TM9SF4: variants seen among roughly 807,000 people sequenced by gnomAD.
TM9SF4 encodes transmembrane 9 superfamily member 4.
TM9SF4 carries 26 observed loss-of-function variants against 90.4 expected under a neutral mutation model. The ratio of observed to expected loss-of-function variants is 0.29; its 90% confidence interval spans 0.21 to 0.40. The LOEUF is 0.40. Among genes scored for constraint, TM9SF4 ranks in the 10% least tolerant of loss-of-function variants. TM9SF4 has a pLI of 1.00. For missense variants in TM9SF4, 549 were observed against 834.8 expected, an observed-to-expected ratio of 0.66 and a Z score of 4.22; for synonymous variants, 293 against 315.4, an observed-to-expected ratio of 0.93 and a Z score of 0.75.
chr20:32,145,530 A>G, intron 8 of TM9SF4, 107 bp downstream of exon 8: 1 of 960,754 alleles, frequency 1.0e-6, no homozygotes, highest in South Asian at 1.4e-5. Context: ...GGTCAGGCGT[A>G]GGTCAAAAAC....
intron 14 of TM9SF4, 31 bp from the exon 15 acceptor site, chr20:32,158,420 C>CT (rs765100451): frequency 5.0e-6 from 8 of 1,613,702 alleles, no homozygotes; most frequent in Non-Finnish European, 6.8e-6. Flanking sequence ...GGCCTGGTCT[C>CT]TAACAATGTC....
intron 8 of TM9SF4, 105 bp downstream of exon 8, chr20:32,145,528 G>A (rs763801526): frequency 3.9e-5 from 38 of 986,136 alleles, no homozygotes; most frequent in South Asian, 5.6e-5. Context: ...AGGGTCAGGC[G>A]TAGGTCAAAA....
In TM9SF4 at chr20:32,141,769, T is replaced by C. The variant is rs2046684012; in HGVS notation, c.402T>C (p.Ile134=). The change falls in exon 5 of 18, where the codon ATT becomes ATC. Residue 134 remains isoleucine (I), a synonymous_variant. Coordinates refer to ENST00000398022, the MANE Select transcript of TM9SF4 (RefSeq NM_014742.4). ...RITEDYYVHL[I]ADNLPVATRL... The stretch of plus-strand genomic sequence containing the variant: ...GAGTGGGGCCTTCACTTTCCAGCAT[T>C]GCTGACAACCTGCCTGTGGCCACCC... The C allele has an allele frequency of 6.2e-7, 1 of 1,614,096 alleles. No homozygotes were observed. Among genetic ancestry groups the C allele is most frequent in the Non-Finnish European group, 8.5e-7 (1 of 1,179,994 alleles).
rs73906758 is a variant in TM9SF4, at chr20:32,153,902, C to A, written c.1246-1201C>A. Among the ~76,000 whole-genome samples, 1,346 of 152,288 alleles carry A rather than the reference C, an allele frequency of 8.8e-3. 26 individuals are homozygous for A. The highest frequency in any genetic ancestry group is 0.031 in the African/African-American group (1,275 of 41,566). Reference sequence around the variant, plus strand: ...GGGGTCAGACTGCCTGCGTTTATACCTCTGCTGTACCTTCAGGAGGCTGGG... The same window carrying A: ...GGGGTCAGACTGCCTGCGTTTATACATCTGCTGTACCTTCAGGAGGCTGGG... On this transcript the variant is annotated intron_variant, in intron 12 of 17. Coordinates refer to ENST00000398022, the MANE Select transcript of TM9SF4 (RefSeq NM_014742.4).
intron 3 of TM9SF4, among the ~76,000 whole-genome samples, chr20:32,137,738 A>G (rs1600811074): frequency 6.6e-6 from 1 of 152,196 alleles, no homozygotes; most frequent in Non-Finnish European, 1.5e-5. Context: ...CATCATCATC[A>G]TTAATACCTA....
intron 1 of TM9SF4, chr20:32,110,003 T>C: frequency 2.8e-6 from 4 of 1,408,118 alleles, no homozygotes; most frequent in Non-Finnish European, 3.7e-6. Context: ...GCTGCTGCCT[T>C]CGCCGGTTCC....
chr20:32,123,697 C>G (rs943313665), intron 1 of TM9SF4, among the ~76,000 whole-genome samples: 4 of 149,978 alleles, frequency 2.7e-5, no homozygotes, highest in Admixed American at 1.3e-4. Flanking sequence ...TTGCTTTATT[C>G]TTAGGAAACT....
At chr20:32,121,919 C>A (rs1225776488) in intron 1 of TM9SF4, among the ~76,000 whole-genome samples, 6 of 143,904 alleles carry the variant, frequency 4.2e-5, no homozygotes, top group Admixed American at 1.4e-4. Context: ...GGCGGCTGGC[C>A]GGGCGGGGGG....
rs1273067954 is a variant in TM9SF4, at chr20:32,149,803, G to T, written c.1087+37G>T. The T allele has an allele frequency of 2.5e-6, 4 of 1,608,754 alleles. No individual in the cohort carries two copies. In the South Asian group the frequency reaches 3.3e-5, roughly 13 times the overall value. On this transcript the variant is annotated intron_variant, in intron 10 of 17. Transcript: ENST00000398022. ...CAGCGGGGCCGGGCATGGGGGCATG[G>T]CTTCCTCTTCCAGGTGCCTCAAGGA...
chr20:32,145,063 G>T (rs200256547), intron 6 of TM9SF4, 28 bp from the exon 7 acceptor site: 3 of 1,605,730 alleles, frequency 1.9e-6, no homozygotes, highest in Non-Finnish European at 1.7e-6. Context: ...GCCACCACAG[G>T]AACAGACTGA....
chr20:32,132,944 CTT>C (rs1006250608), intron 1 of TM9SF4, 67 bp from the exon 2 acceptor site: 325 of 1,421,674 alleles, frequency 2.3e-4, no homozygotes, highest in Non-Finnish European at 2.4e-4. Flanking sequence ...GGTGGTATGA[CTT>C]GATCTGCCTC....
intron 17 of TM9SF4, among the ~76,000 whole-genome samples, chr20:32,163,485 C>A (rs2047056766): frequency 6.7e-6 from 1 of 150,368 alleles, no homozygotes; most frequent in Non-Finnish European, 1.5e-5. Flanking sequence ...TTTCGTCTAC[C>A]ATGATACGTC....
Position 32,146,873 on chromosome 20 carries a change from G to C in TM9SF4, c.954+18G>C, listed in dbSNP as rs1246815506. 1 of 1,612,378 alleles carries C rather than the reference G, an allele frequency of 6.2e-7. No homozygotes were observed. The highest frequency in any genetic ancestry group is 1.7e-4 in the Middle Eastern group (1 of 6,060). On this transcript the variant is annotated intron_variant, in intron 9 of 17. Transcript: ENST00000398022. ...ATGACATTGTACGAGGTCTTGGCTGGGGAGGGATGAAGTTGGATGGGGAGG... is the reference window on the plus strand; with the variant it reads ...ATGACATTGTACGAGGTCTTGGCTGCGGAGGGATGAAGTTGGATGGGGAGG...
chr20:32,163,283 A>G (rs1250985306), intron 17 of TM9SF4, among the ~76,000 whole-genome samples: 1 of 127,442 alleles, frequency 7.8e-6, no homozygotes, highest in African/African-American at 3.0e-5. Flanking sequence ...ATATATATAT[A>G]TATATATATA....
rs113527941 is a variant in TM9SF4, at chr20:32,112,242, C to CA, written c.15+2495dup. Among the ~76,000 whole-genome samples the CA allele has an allele frequency of 3.3e-5, 5 of 151,630 alleles. No homozygotes were observed. The East Asian group carries it at 5.8e-4, about 18-fold the overall frequency. ...TTGGACAACATGGCAAACCCCTCTA[C>CA]AAAAAAAATACAAAAAGAAAAAATT... On this transcript the variant is annotated intron_variant, in intron 1 of 17. Coordinates refer to ENST00000398022, the MANE Select transcript of TM9SF4 (RefSeq NM_014742.4).
intron 1 of TM9SF4, among the ~76,000 whole-genome samples, chr20:32,116,879 T>A (rs905555906): frequency 9.6e-6 from 1 of 104,586 alleles, no homozygotes; most frequent in African/African-American, 3.0e-5. Flanking sequence ...TTTTTTTTTT[T>A]TTTTTTTTTG....
intron 8 of TM9SF4, among the ~76,000 whole-genome samples, chr20:32,146,342 G>GT (rs749879425): frequency 6.6e-6 from 1 of 152,170 alleles, no homozygotes; most frequent in Non-Finnish European, 1.5e-5. Flanking sequence ...AGCACGCGTA[G>GT]GAGTCAGTCA....
intron 3 of TM9SF4, 35 bp from the exon 4 acceptor site, chr20:32,141,462 G>A (rs2046677072): frequency 6.2e-7 from 1 of 1,609,558 alleles, no homozygotes; most frequent in Non-Finnish European, 8.5e-7. Context: ...CCTCAGGGCT[G>A]AAGCTCTGAG....
chr20:32,157,621 G>A (rs1231872168), intron 13 of TM9SF4, among the ~76,000 whole-genome samples, 173 bp from the exon 14 acceptor site: 4 of 152,216 alleles, frequency 2.6e-5, no homozygotes, highest in African/African-American at 7.2e-5. Context: ...GATCAGGGCT[G>A]GGGTCAGCCT....
Sources: allele counts gnomAD v4.1 joint callset (sites outside exome capture counted in the v4.1 genomes callset), GRCh38; gene constraint gnomAD v4.1.1; transcripts MANE v1.5; gene names NCBI Gene and HGNC (gene_info 2026-07-23, HGNC 2026-07-21).